Variants in RYR2 observed in about 807,000 individuals in gnomAD.
RYR2 encodes ryanodine receptor 2, also known as cardiac muscle ryanodine receptor-calcium release channel.
RYR2 carries 227 observed loss-of-function variants against 601.1 expected under a neutral mutation model. The observed-to-expected ratio is 0.38, with a 90% CI of 0.34 to 0.42. The LOEUF is 0.42. Ranked by LOEUF, RYR2 falls within the 10% of genes least tolerant of loss-of-function variation. RYR2 has a pLI of 1.00. For missense variants in RYR2, 4,646 were observed against 6,156.5 expected, an observed-to-expected ratio of 0.75 and a Z score of 8.21; for synonymous variants, 2,223 against 2,175.1, an observed-to-expected ratio of 1.02 and a Z score of -0.61.
intron 1 of RYR2, among the ~76,000 whole-genome samples, chr1:237,182,101 G>A (rs1678825756): frequency 1.1e-5 from 1 of 89,754 alleles, no homozygotes; most frequent in Non-Finnish European, 2.4e-5. Context: ...AAACTCCCTG[G>A]GGTTTATTTA....
intron 35 of RYR2, 106 bp downstream of exon 35, chr1:237,602,217 T>C: frequency 1.4e-6 from 1 of 709,668 alleles, no homozygotes; most frequent in Non-Finnish European, 2.2e-6. Flanking sequence ...ATGAATCAAA[T>C]AAATCATTCT....
chr1:237,830,752 A>G (rs1386855118), intron 103 of RYR2, 122 bp downstream of exon 103: 3 of 582,274 alleles, frequency 5.2e-6, no homozygotes, highest in Non-Finnish European at 9.3e-6. Context: ...AGATACTTTA[A>G]AAGAAAGTCC....
intron 62 of RYR2, among the ~76,000 whole-genome samples, chr1:237,684,094 A>AT (rs1223468414): frequency 0.065 from 9,562 of 146,952 alleles, 334 homozygotes; most frequent in Middle Eastern, 0.1. Context: ...TGCCCGGCTA[A>AT]TTTTTTTTTT....
In RYR2 at chr1:237,546,995, ATTTATT is replaced by A. The variant is rs1191427821; in HGVS notation, c.2907-1434_2907-1429del. ...CAAAAGCATATATATATATATATAT[ATTTATT>A]TATTTATTTATTTATTTATTTAGAG... On this transcript the variant is annotated intron_variant, in intron 25 of 104. Coordinates refer to ENST00000366574, the MANE Select transcript of RYR2 (RefSeq NM_001035.3). Among the ~76,000 whole-genome samples, 5 of 103,366 alleles carry A rather than the reference ATTTATT, an allele frequency of 4.8e-5. No individual in the cohort carries two copies. The East Asian group carries it at 1.1e-3, about 23-fold the overall frequency. 67.8% of individuals were successfully genotyped at this position (103,366 alleles called of 152,430 possible).
chr1:237,574,542 C>T (rs977816354), intron 29 of RYR2, among the ~76,000 whole-genome samples: 2 of 152,142 alleles, frequency 1.3e-5, no homozygotes, highest in Non-Finnish European at 2.9e-5. Context: ...TACAGGTGGG[C>T]CTGACCCAAC....
chr1:237,662,084 C>T (rs1183991032), intron 56 of RYR2, among the ~76,000 whole-genome samples: 3 of 151,848 alleles, frequency 2.0e-5, no homozygotes, highest in Admixed American at 1.3e-4. Flanking sequence ...GAGGGTCTAA[C>T]AGCATGTGCT....
intron 53 of RYR2, among the ~76,000 whole-genome samples, 188 bp downstream of exon 53, chr1:237,656,172 G>A (rs1468035730): frequency 1.3e-5 from 2 of 152,034 alleles, no homozygotes; most frequent in Non-Finnish European, 2.9e-5. Context: ...ATCAGAAATA[G>A]ATAAGATGTA....
chr1:237,445,799 C>G (rs756496658), intron 14 of RYR2, among the ~76,000 whole-genome samples: 2 of 151,786 alleles, frequency 1.3e-5, no homozygotes, highest in Non-Finnish European at 2.9e-5. Flanking sequence ...TGTACTGAAC[C>G]TATTTAGTTC....
At chr1:237,387,439 T>C in intron 9 of RYR2, 59 bp downstream of exon 9, 1 of 1,478,756 alleles carries the variant, frequency 6.8e-7, no homozygotes, top group Non-Finnish European at 9.4e-7. Context: ...CAGTCATCTT[T>C]GGAATTGTGA....
At chr1:237,712,032 G>A (rs991813975) in intron 71 of RYR2, among the ~76,000 whole-genome samples, 195 bp downstream of exon 71, 1 of 152,134 alleles carries the variant, frequency 6.6e-6, no homozygotes, top group African/African-American at 2.4e-5. Context: ...AAGACATGCA[G>A]ACGGGAAATG....
chr1:237,725,308 T>A (rs1690100393), intron 74 of RYR2, among the ~76,000 whole-genome samples: 1 of 152,112 alleles, frequency 6.6e-6, no homozygotes, highest in South Asian at 2.1e-4. Context: ...TTATCAAAAA[T>A]AAAAAGTGGG....
intron 1 of RYR2, among the ~76,000 whole-genome samples, chr1:237,229,568 G>A (rs919721364): frequency 6.6e-6 from 1 of 152,080 alleles, no homozygotes; most frequent in Non-Finnish European, 1.5e-5. Flanking sequence ...CCCTATAATG[G>A]GGAAAGCTGG....
At chr1:237,500,655 C>G in intron 20 of RYR2, 56 bp from the exon 21 acceptor site, 2 of 1,458,876 alleles carry the variant, frequency 1.4e-6, no homozygotes, top group Non-Finnish European at 1.8e-6. Flanking sequence ...GGCTCTGAAG[C>G]TGATTCTCTG....
chr1:237,673,090 A>T (rs1261449087), intron 58 of RYR2, among the ~76,000 whole-genome samples: 1 of 152,108 alleles, frequency 6.6e-6, no homozygotes, highest in Non-Finnish European at 1.5e-5. Context: ...TTGGAAACTG[A>T]TTTCATAGGG....
intron 2 of RYR2, among the ~76,000 whole-genome samples, chr1:237,326,525 C>T (rs766392487): frequency 6.6e-5 from 10 of 152,078 alleles, no homozygotes; most frequent in Admixed American, 2.0e-4. Context: ...GTGTAAGAGG[C>T]GGGTAGGTAA....
intron 29 of RYR2, among the ~76,000 whole-genome samples, chr1:237,581,075 C>T (rs539192154): frequency 1.4e-4 from 22 of 152,294 alleles, no homozygotes; most frequent in Admixed American, 4.6e-4. Context: ...TTTATTCTTA[C>T]GGGAACAGCC....
intron 10 of RYR2, among the ~76,000 whole-genome samples, chr1:237,402,002 C>A (rs892709873): frequency 1.3e-5 from 2 of 152,084 alleles, no homozygotes; most frequent in Non-Finnish European, 2.9e-5. Context: ...AACATGGGCA[C>A]AGAAGATGAT....
In RYR2 at chr1:237,700,391, C is replaced by T; in HGVS notation, c.9291C>T (p.Thr3097=). ...GGGTTACTCAGATTATCAATTACAC[C>T]ACAGTGGCCCTGCTGCCAATGCTGT... ...PKGVTQIINY[T]TVALLPMLSS... is the part of the protein sequence containing the mutation. Residue 3097 remains threonine, a synonymous_variant, in exon 65 of 105, where the codon ACC becomes ACT. Coordinates refer to ENST00000366574, the MANE Select transcript of RYR2 (RefSeq NM_001035.3). 6.2e-7 allele frequency: 1 copy of T among 1,609,054 alleles called. No individual in the cohort carries two copies.
At chr1:237,633,082 C>T (rs1257332678) in intron 42 of RYR2, among the ~76,000 whole-genome samples, 1 of 152,016 alleles carries the variant, frequency 6.6e-6, no homozygotes, top group Admixed American at 6.6e-5. Context: ...GTTGTAAATC[C>T]CTGGAATCAG....
Sources: gnomAD v4.1 joint callset for allele counts (sites outside exome capture counted in the v4.1 genomes callset) on GRCh38, gnomAD v4.1.1 for gene constraint, MANE v1.5 for transcripts, NCBI Gene and HGNC (gene_info 2026-07-23, HGNC 2026-07-21) for gene names.